Variants in ARHGEF11 observed in about 807,000 individuals in gnomAD.
ARHGEF11 encodes the protein Rho guanine exchange factor (GEF) 11.
A neutral mutation model predicts 193.7 loss-of-function variants in ARHGEF11; 55 were observed. That is an observed-to-expected ratio of 0.28 (90% confidence interval 0.23 to 0.36). ARHGEF11 has a LOEUF of 0.36. Ranked by LOEUF, ARHGEF11 falls within the 10% of genes least tolerant of loss-of-function variation. The pLI, the probability that ARHGEF11 is intolerant of heterozygous loss-of-function variation, is 1.00. For missense variants in ARHGEF11, 1,723 were observed against 2,005.6 expected, an observed-to-expected ratio of 0.86 and a Z score of 2.69; for synonymous variants, 693 against 768.0, an observed-to-expected ratio of 0.90 and a Z score of 1.62.
chr1:156,983,490 G>T (rs1298895925), intron 3 of ARHGEF11, among the ~76,000 whole-genome samples: 2 of 152,214 alleles, frequency 1.3e-5, no homozygotes, highest in Non-Finnish European at 2.9e-5. Flanking sequence ...CCATAGTGCT[G>T]AGATTACAGG....
At chr1:156,988,958 C>T (rs1279988164) in intron 1 of ARHGEF11, among the ~76,000 whole-genome samples, 3 of 151,996 alleles carry the variant, frequency 2.0e-5, no homozygotes, top group Non-Finnish European at 4.4e-5. Flanking sequence ...GGAGGAAGAC[C>T]TTGGAAGGTT....
intron 1 of ARHGEF11, among the ~76,000 whole-genome samples, chr1:157,016,499 C>T (rs1469860429): frequency 6.6e-6 from 1 of 152,176 alleles, no homozygotes; most frequent in Non-Finnish European, 1.5e-5. Context: ...GGATTACAGG[C>T]GTGAGCCACG....
chr1:156,946,733 A>G lies in ARHGEF11; in HGVS notation c.2623T>C (p.Tyr875His). 1 of 1,614,212 alleles carries G rather than the reference A, an allele frequency of 6.2e-7. No individual in the cohort carries two copies. Among genetic ancestry groups the G allele is most frequent in the Non-Finnish European group, 8.5e-7 (1 of 1,180,034 alleles). The change falls in exon 28 of 41, where the codon TAT becomes CAT. Residue 875 changes from tyrosine to histidine, a missense_variant. Tyr to His is a moderately conservative substitution (Grantham distance 83, BLOSUM62 2). Transcript: ENST00000368194. Reference protein sequence around the residue: ...LQQVAAQFCSYQSIALELIKT... With the variant: ...LQQVAAQFCSHQSIALELIKT... ...ATTAGCTCTAGGGCTATTGACTGAT[A>G]GGAACAGAACTGTGCAGCCACTTGC...
At chr1:157,023,436 A>C (rs1670233560) in intron 1 of ARHGEF11, among the ~76,000 whole-genome samples, 1 of 152,210 alleles carries the variant, frequency 6.6e-6, no homozygotes, top group South Asian at 2.1e-4. Context: ...AAACCATGAG[A>C]TACTACTTTA....
At chr1:157,027,311 G>T (rs1670764758) in intron 1 of ARHGEF11, among the ~76,000 whole-genome samples, 1 of 152,184 alleles carries the variant, frequency 6.6e-6, no homozygotes, top group Non-Finnish European at 1.5e-5. Context: ...AGGAAATCCA[G>T]GCTGCAGTGA....
intron 22 of ARHGEF11, 147 bp downstream of exon 22, chr1:156,951,426 A>C: frequency 9.4e-7 from 1 of 1,062,350 alleles, no homozygotes; most frequent in Non-Finnish European, 1.3e-6. Context: ...TGTCTCCTGA[A>C]GATACTGGGG....
intron 16 of ARHGEF11, 24 bp downstream of exon 16, chr1:156,959,022 T>G (rs1660388900): frequency 1.2e-6 from 2 of 1,612,606 alleles, no homozygotes; most frequent in Non-Finnish European, 1.7e-6. Context: ...AGGAGAGAGG[T>G]GGGAGGTCAG....
chr1:156,942,111 C>T, intron 33 of ARHGEF11, 122 bp from the exon 34 acceptor site: 1 of 1,442,734 alleles, frequency 6.9e-7, no homozygotes. Context: ...TGGCAGGTGC[C>T]CACCTCCCTG....
At chr1:156,953,792 T>C (rs1411740698) in intron 21 of ARHGEF11, among the ~76,000 whole-genome samples, 1 of 152,198 alleles carries the variant, frequency 6.6e-6, no homozygotes, top group Non-Finnish European at 1.5e-5. Flanking sequence ...CAATTCACTG[T>C]AGGCTCTAAG....
At chr1:156,986,651 T>C (rs1664961022) in intron 1 of ARHGEF11, among the ~76,000 whole-genome samples, 1 of 152,104 alleles carries the variant, frequency 6.6e-6, no homozygotes, top group Non-Finnish European at 1.5e-5. Flanking sequence ...GTCAAACACA[T>C]ACAGAGGTCT....
chr1:157,000,256 C>T lies in ARHGEF11; in HGVS notation c.33-14083G>A, dbSNP rs77745082. ...TGGATTATAGGTATGATCCACCGTG[C>T]CCGGCCCTACAGGCATATCTTGTTT... On this transcript the variant is annotated intron_variant, in intron 1 of 40. Transcript: ENST00000368194. Among the ~76,000 whole-genome samples the T allele has an allele frequency of 3.1e-3, 466 of 152,322 alleles. 2 individuals are homozygous for T. Among genetic ancestry groups the T allele is most frequent in the African/African-American group, 0.011 (445 of 41,558 alleles).
chr1:157,023,890 C>G (rs1199310930), intron 1 of ARHGEF11, among the ~76,000 whole-genome samples: 1 of 151,960 alleles, frequency 6.6e-6, no homozygotes, highest in Non-Finnish European at 1.5e-5. Flanking sequence ...AGTTCCTTAA[C>G]ATGCTAAACA....
In ARHGEF11 at chr1:156,996,794, AG is replaced by A. The variant is rs1486475098; in HGVS notation, c.33-10622del. Among the ~76,000 whole-genome samples, 527 of 123,618 alleles carry A rather than the reference AG, an allele frequency of 4.3e-3. 10 individuals are homozygous for A. The highest frequency in any genetic ancestry group is 0.028 in the East Asian group (84 of 3,010). 81.1% of individuals were successfully genotyped at this position (123,618 alleles called of 152,430 possible). A position where few individuals can be genotyped will look rare whatever the true frequency, so the allele number is the denominator to read the frequency against. On this transcript the variant is annotated intron_variant, in intron 1 of 40. Coordinates refer to ENST00000368194, the MANE Select transcript of ARHGEF11 (RefSeq NM_198236.3). ...TCTCAAAAAAAAAAAAAAAAAAAAAAGACAAGGGTCTCCATCCTGATTCTGC... is the reference window on the plus strand; with the variant it reads ...TCTCAAAAAAAAAAAAAAAAAAAAAAACAAGGGTCTCCATCCTGATTCTGC...
In ARHGEF11 at chr1:156,946,643, G is replaced by A. The variant is rs182252135; in HGVS notation, c.2694+19C>T. ...CTTGATGGAGATGAAGGAAGGCCAA[G>A]GCATGGCCAAGGACGCACCTGCATG... is the stretch of plus-strand genomic sequence containing the variant. On this transcript the variant is annotated intron_variant, in intron 28 of 40. Transcript: ENST00000368194. The A allele has an allele frequency of 1.9e-4, 305 of 1,614,020 alleles. No homozygotes were observed. The highest frequency in any genetic ancestry group is 1.0e-3 in the Admixed American group (60 of 60,016).
chr1:156,941,743 C>T, intron 34 of ARHGEF11, 121 bp downstream of exon 34: 2 of 1,423,558 alleles, frequency 1.4e-6, no homozygotes, highest in South Asian at 2.7e-5. Context: ...GAGCTGTCTG[C>T]TCCCTGCTAG....
chr1:156,967,570 GT>G (rs112972037), intron 11 of ARHGEF11, among the ~76,000 whole-genome samples: 76 of 147,126 alleles, frequency 5.2e-4, no homozygotes, highest in East Asian at 7.9e-4. Context: ...GGGGAGCTGA[GT>G]TTTTTTTTTT....
chr1:157,020,376 C>A (rs191064063), intron 1 of ARHGEF11, among the ~76,000 whole-genome samples: 1 of 152,116 alleles, frequency 6.6e-6, no homozygotes, highest in Non-Finnish European at 1.5e-5. Context: ...AGAAACTAAA[C>A]ATTCCCTTAC....
At chr1:157,025,562 C>T (rs1396061002) in intron 1 of ARHGEF11, among the ~76,000 whole-genome samples, 1 of 152,146 alleles carries the variant, frequency 6.6e-6, no homozygotes, top group African/African-American at 2.4e-5. Context: ...AGTTGGTAAT[C>T]TTTCTGCCCT....
intron 26 of ARHGEF11, 33 bp downstream of exon 26, chr1:156,947,270 AG>A (rs955628959): frequency 1.3e-6 from 2 of 1,574,822 alleles, no homozygotes; most frequent in African/African-American, 2.7e-5. Context: ...GAAGGGCAGC[AG>A]AAGAGGAGTC....
Sources: gnomAD v4.1 joint callset for allele counts (sites outside exome capture counted in the v4.1 genomes callset) on GRCh38, gnomAD v4.1.1 for gene constraint, MANE v1.5 for transcripts, NCBI Gene and HGNC (gene_info 2026-07-23, HGNC 2026-07-21) for gene names.